Variants in KCNJ3 observed in about 807,000 individuals in gnomAD.
The protein encoded by KCNJ3 is G protein-activated inward rectifier potassium channel 1.
KCNJ3 carries 4 observed loss-of-function variants against 39.2 expected under a neutral mutation model. The ratio of observed to expected loss-of-function variants is 0.10; its 90% CI spans 0.05 to 0.23. The LOEUF is 0.23. KCNJ3 is among the 10% of genes least tolerant of loss of function. The pLI, the probability that KCNJ3 is intolerant of heterozygous loss-of-function variation, is 1.00. For synonymous variants in KCNJ3, 230 were observed against 237.4 expected (o/e 0.97, Z 0.29); for missense variants, 276 against 634.9 (o/e 0.43, Z 6.08).
At chr2:154,833,200 C>A (rs904928966) in intron 2 of KCNJ3, among the ~76,000 whole-genome samples, 1 of 152,094 alleles carries the variant, frequency 6.6e-6, no homozygotes, top group African/African-American at 2.4e-5. Context: ...AGTGAAATGG[C>A]TGAAATGTAG....
At chr2:154,793,988 G>A (rs538738865) in intron 2 of KCNJ3, among the ~76,000 whole-genome samples, 1 of 151,830 alleles carries the variant, frequency 6.6e-6, no homozygotes, top group African/African-American at 2.4e-5. Flanking sequence ...TTCAGGGACT[G>A]TTATGTGTTC....
At position 154,822,721 on chromosome 2, in the gene KCNJ3, TA is replaced by T. The variant is rs1687205186; in HGVS notation, c.920-32004del. ...TGCTAATTAGATATTTTTAAATATA[TA>T]ATTTTAAATTGCTCAAATTATTAAA... On this transcript the variant is annotated intron_variant, in intron 2 of 2. Transcript: ENST00000295101. Among the ~76,000 whole-genome samples the T allele has an allele frequency of 2.0e-5, 3 of 152,150 alleles. No individual in the cohort carries two copies. The East Asian group carries it at 5.8e-4, about 29-fold the overall frequency.
At chr2:154,832,497 TATGTG>T (rs1169183494) in intron 2 of KCNJ3, among the ~76,000 whole-genome samples, 2 of 152,224 alleles carry the variant, frequency 1.3e-5, no homozygotes, top group Non-Finnish European at 2.9e-5. Context: ...ACTTGGATCT[TATGTG>T]ATAACACTTT....
intron 2 of KCNJ3, among the ~76,000 whole-genome samples, chr2:154,738,241 A>C (rs182886482): frequency 1.0e-3 from 157 of 152,182 alleles, no homozygotes; most frequent in African/African-American, 3.6e-3. Flanking sequence ...GAACTCAAGG[A>C]GATAGAGAGC....
rs1686446959 is a variant in KCNJ3, at chr2:154,781,961, C to T, written c.919+72142C>T. Among the ~76,000 whole-genome samples the T allele has an allele frequency of 2.0e-5, 3 of 152,154 alleles. No homozygotes were observed. In the South Asian group the frequency reaches 6.2e-4, roughly 32 times the overall value. On this transcript the variant is annotated intron_variant, in intron 2 of 2. Transcript: ENST00000295101. ...TCTCTAAGTTCAGTGGTTTTGAGTGCTTAGAACTTTCTCATTTAAATGGAT... is the reference window on the plus strand; with the variant it reads ...TCTCTAAGTTCAGTGGTTTTGAGTGTTTAGAACTTTCTCATTTAAATGGAT...
At chr2:154,772,577 C>A (rs1443897894) in intron 2 of KCNJ3, among the ~76,000 whole-genome samples, 9 of 152,130 alleles carry the variant, frequency 5.9e-5, no homozygotes, top group Admixed American at 5.9e-4. Context: ...TACAATGCTG[C>A]ATGGTCATTT....
chr2:154,778,505 G>A (rs558766554), intron 2 of KCNJ3, among the ~76,000 whole-genome samples: 1 of 152,192 alleles, frequency 6.6e-6, no homozygotes, highest in East Asian at 1.9e-4. Context: ...CAGTCAGGGA[G>A]TGTTATTTAT....
At chr2:154,778,138 G>T (rs1686371655) in intron 2 of KCNJ3, among the ~76,000 whole-genome samples, 1 of 151,878 alleles carries the variant, frequency 6.6e-6, no homozygotes, top group Non-Finnish European at 1.5e-5. Flanking sequence ...GAGTCCTTAG[G>T]TCTAGCTACA....
intron 2 of KCNJ3, among the ~76,000 whole-genome samples, chr2:154,733,956 A>G (rs1685483808): frequency 2.0e-5 from 3 of 152,158 alleles, no homozygotes; most frequent in African/African-American, 7.2e-5. Flanking sequence ...GGAGCATCCA[A>G]GATTTATGAG....
At chr2:154,758,710 T>C (rs2105187076) in intron 2 of KCNJ3, among the ~76,000 whole-genome samples, 1 of 152,278 alleles carries the variant, frequency 6.6e-6, no homozygotes, top group East Asian at 1.9e-4. Context: ...TCTGGAGAAA[T>C]TGCAGTCTTG....
rs1043776157 is a variant in KCNJ3, at chr2:154,855,340, A to G, written c.*27A>G. On this transcript the variant is annotated 3_prime_UTR_variant, in exon 3 of 3. Transcript: ENST00000295101. The stretch of plus-strand genomic sequence containing the variant: ...AAAGCACTCCCTTAGGCATTATTTA[A>G]TGTTTGATTTAGTAATAGTCCAATA... 2.8e-6 allele frequency: 4 copies of G among 1,447,718 alleles called. No homozygotes were observed. The highest frequency in any genetic ancestry group is 3.8e-6 in the Non-Finnish European group (4 of 1,065,772). The allele number at this position is 1,447,718 out of a possible 1,614,324, so 89.7% of individuals were successfully genotyped here.
At chr2:154,834,870 T>TAAC (rs80023713) in intron 2 of KCNJ3, among the ~76,000 whole-genome samples, 31,195 of 151,904 alleles carry the variant, frequency 0.21, 3,498 homozygotes, top group East Asian at 0.41. Context: ...TACTTAATAA[T>TAAC]AACTTCTCAT....
At chr2:154,757,856 T>C (rs560240350) in intron 2 of KCNJ3, among the ~76,000 whole-genome samples, 2 of 152,074 alleles carry the variant, frequency 1.3e-5, no homozygotes, top group Non-Finnish European at 1.5e-5. Context: ...TTTATAAGGG[T>C]ACTAATCCCA....
chr2:154,736,888 G>A (rs1685557725), intron 2 of KCNJ3, among the ~76,000 whole-genome samples: 1 of 152,178 alleles, frequency 6.6e-6, no homozygotes, highest in Admixed American at 6.5e-5. Flanking sequence ...AGACTGTGGT[G>A]CAGGGAGGGG....
At chr2:154,806,210 A>G (rs1398069292) in intron 2 of KCNJ3, among the ~76,000 whole-genome samples, 2 of 152,190 alleles carry the variant, frequency 1.3e-5, no homozygotes, top group Admixed American at 6.5e-5. Flanking sequence ...GACAGAAGAC[A>G]CAAGACTCTT....
chr2:154,708,048 T>G (rs2105150187), intron 1 of KCNJ3, among the ~76,000 whole-genome samples: 1 of 152,290 alleles, frequency 6.6e-6, no homozygotes, highest in East Asian at 1.9e-4. Flanking sequence ...GCTGCTGTTT[T>G]AATTTTTGCA....
chr2:154,855,535 T>A lies in KCNJ3; in HGVS notation c.*222T>A. On this transcript the variant is annotated 3_prime_UTR_variant, in exon 3 of 3. Coordinates refer to ENST00000295101, the MANE Select transcript of KCNJ3 (RefSeq NM_002239.4). ...TTATTAACGGGCATGTATTATCACA[T>A]CAAGCATGCAATAATGTGCAAATTT... 2.3e-6 allele frequency: 1 copy of A among 437,634 alleles called. No individual in the cohort carries two copies. The highest frequency in any genetic ancestry group is 4.1e-6 in the Non-Finnish European group (1 of 245,766). The allele number at this position is 437,634 out of a possible 1,614,324, so 27.1% of individuals were successfully genotyped here.
intron 2 of KCNJ3, among the ~76,000 whole-genome samples, chr2:154,803,027 GA>G (rs1403495101): frequency 2.0e-5 from 3 of 151,942 alleles, no homozygotes; most frequent in African/African-American, 4.8e-5. Flanking sequence ...AACTAATGAT[GA>G]AAAGAAAAGA....
intron 1 of KCNJ3, among the ~76,000 whole-genome samples, chr2:154,707,668 A>G (rs1195677977): frequency 6.6e-6 from 1 of 152,150 alleles, no homozygotes; most frequent in African/African-American, 2.4e-5. Flanking sequence ...TAAAAGAATT[A>G]TTATTGTCAA....
Sources: allele counts gnomAD v4.1 joint callset (sites outside exome capture counted in the v4.1 genomes callset), GRCh38; gene constraint gnomAD v4.1.1; transcripts MANE v1.5; gene names NCBI Gene and HGNC (gene_info 2026-07-23, HGNC 2026-07-21).